SERGEF: variants seen among roughly 807,000 people sequenced by gnomAD.
SERGEF encodes the protein secretion-regulating guanine nucleotide exchange factor.
In SERGEF, 51 loss-of-function variants were observed where a neutral mutation model predicts 50.0. The ratio of observed to expected loss-of-function variants is 1.02; its 90% CI spans 0.81 to 1.29. The LOEUF (loss-of-function observed/expected upper bound fraction) is 1.29, where lower values mean the gene tolerates loss of function less well. Among genes scored for constraint, SERGEF ranks in the 50% most tolerant of loss-of-function variants. SERGEF has a pLI of 0.00. For missense variants in SERGEF, 521 were observed against 557.0 expected (o/e 0.94, Z 0.65); for synonymous variants, 205 against 212.4 (o/e 0.97, Z 0.30).
At chr11:17,832,479 T>A (rs1247903091) in intron 10 of SERGEF, among the ~76,000 whole-genome samples, 1 of 152,172 alleles carries the variant, frequency 6.6e-6, no homozygotes, top group Non-Finnish European at 1.5e-5. Flanking sequence ...AGTGTGAAAA[T>A]GGACTAATAC....
intron 9 of SERGEF, among the ~76,000 whole-genome samples, chr11:17,954,834 G>A (rs1425803518): frequency 6.6e-6 from 1 of 152,174 alleles, no homozygotes; most frequent in African/African-American, 2.4e-5. Flanking sequence ...AGAAACACTG[G>A]GAGTCAAGCT....
At chr11:17,788,477 C>A in intron 10 of SERGEF, 64 bp from the exon 11 acceptor site, 1 of 1,391,912 alleles carries the variant, frequency 7.2e-7, no homozygotes, top group East Asian at 2.4e-5. Flanking sequence ...AACATTCACC[C>A]TGAGGGTACA....
intron 10 of SERGEF, among the ~76,000 whole-genome samples, chr11:17,848,614 T>C (rs1850657325): frequency 6.6e-6 from 1 of 152,220 alleles, no homozygotes; most frequent in Non-Finnish European, 1.5e-5. Flanking sequence ...AATTCTTACT[T>C]AATAAACACT....
chr11:17,805,204 T>C (rs1315406886), intron 10 of SERGEF, among the ~76,000 whole-genome samples: 2 of 152,186 alleles, frequency 1.3e-5, no homozygotes, highest in Admixed American at 1.3e-4. Context: ...GGGCTCTAAG[T>C]CTCAGCTCTG....
Position 17,995,781 on chromosome 11 carries a change from A to G in SERGEF, c.622+15T>C, listed in dbSNP as rs541728015. ...ACAAAGAACAAATATAGGACTAAAG[A>G]AAGAAGCATCTTACCTGTCACTCTG... On this transcript the variant is annotated intron_variant, in intron 6 of 10. Transcript: ENST00000265965. The G allele has an allele frequency of 6.5e-7, 1 of 1,536,798 alleles. No homozygotes were observed. The highest frequency in any genetic ancestry group is 2.2e-5 in the East Asian group (1 of 44,464).
intron 8 of SERGEF, among the ~76,000 whole-genome samples, chr11:17,978,648 G>C (rs1033825410): frequency 9.8e-5 from 15 of 152,298 alleles, no homozygotes; most frequent in African/African-American, 3.6e-4. Context: ...GCCAGCTAGA[G>C]GTCAGATCCA....
chr11:17,796,927 G>A (rs1849580948), intron 10 of SERGEF, among the ~76,000 whole-genome samples: 1 of 152,228 alleles, frequency 6.6e-6, no homozygotes, highest in Non-Finnish European at 1.5e-5. Flanking sequence ...AAGATCCACA[G>A]CAGCCCTGAG....
chr11:17,827,221 G>A (rs1174264330), intron 10 of SERGEF, among the ~76,000 whole-genome samples: 1 of 152,162 alleles, frequency 6.6e-6, no homozygotes, highest in African/African-American at 2.4e-5. Flanking sequence ...ATTATGATAA[G>A]AGGAAACTGG....
chr11:17,791,998 T>G (rs1451108014), intron 10 of SERGEF, among the ~76,000 whole-genome samples: 4 of 152,238 alleles, frequency 2.6e-5, no homozygotes, highest in South Asian at 2.1e-4. Flanking sequence ...AAGTGTATGG[T>G]TCTACGCAGT....
chr11:17,849,133 C>T (rs1238881768), intron 10 of SERGEF, among the ~76,000 whole-genome samples: 1 of 152,154 alleles, frequency 6.6e-6, no homozygotes, highest in Non-Finnish European at 1.5e-5. Flanking sequence ...TGTTTACATG[C>T]ACATGTGAAG....
intron 10 of SERGEF, among the ~76,000 whole-genome samples, chr11:17,869,140 G>C (rs1851087790): frequency 6.6e-6 from 1 of 152,052 alleles, no homozygotes; most frequent in Non-Finnish European, 1.5e-5. Context: ...AAAATATAAA[G>C]AAAGACCATT....
At chr11:17,794,410 C>G (rs1459508226) in intron 10 of SERGEF, among the ~76,000 whole-genome samples, 1 of 152,162 alleles carries the variant, frequency 6.6e-6, no homozygotes, top group African/African-American at 2.4e-5. Context: ...TTAATTTCCA[C>G]GGCAACCCTC....
At chr11:17,825,166 T>G (rs1224290177) in intron 10 of SERGEF, among the ~76,000 whole-genome samples, 1 of 152,198 alleles carries the variant, frequency 6.6e-6, no homozygotes, top group Non-Finnish European at 1.5e-5. Context: ...AGATACTGAG[T>G]TATGTGCTGG....
rs542994996 is a variant in SERGEF, at chr11:17,997,896, T to C, written c.509-1987A>G. On this transcript the variant is annotated intron_variant, in intron 5 of 10. Transcript: ENST00000265965. ...CAGTGGAATGGGGAATGGGGAGTTA[T>C]TGTTTAATGGGTATAGAGTTTCAAT... Among the ~76,000 whole-genome samples, 3 of 152,272 alleles carry C rather than the reference T, an allele frequency of 2.0e-5. No homozygotes were observed. The East Asian group carries it at 5.8e-4, about 29-fold the overall frequency.
rs1049063379 is a variant in SERGEF at position 18,012,867 on chromosome 11, C to G, written c.60+84G>C. On this transcript the variant is annotated intron_variant, in intron 1 of 10. Transcript: ENST00000265965. ...GGCTCGGACCTCAGCCGCCCAGCCC[C>G]TGAACTGCCCACGCCGCGGCCAGCA... 2.6e-6 allele frequency: 4 copies of G among 1,527,030 alleles called. No homozygotes were observed. In the Admixed American group the frequency reaches 7.9e-5, roughly 30 times the overall value. The allele number at this position is 1,527,030 out of a possible 1,614,324, so 94.6% of individuals were successfully genotyped here.
chr11:17,825,801 T>C (rs1032436724), intron 10 of SERGEF, among the ~76,000 whole-genome samples: 1 of 152,188 alleles, frequency 6.6e-6, no homozygotes, highest in African/African-American at 2.4e-5. Context: ...AACAGCAAGA[T>C]GGTATGACCC....
intron 9 of SERGEF, among the ~76,000 whole-genome samples, chr11:17,911,325 T>C (rs1360488483): frequency 1.4e-5 from 2 of 146,352 alleles, no homozygotes; most frequent in Admixed American, 1.4e-4. Flanking sequence ...ATTTTATATA[T>C]ATTATATATA....
At chr11:17,822,105 T>A (rs531698522) in intron 10 of SERGEF, among the ~76,000 whole-genome samples, 1 of 152,298 alleles carries the variant, frequency 6.6e-6, no homozygotes, top group African/African-American at 2.4e-5. Flanking sequence ...TATTGTTTAA[T>A]TAAACAGAGA....
chr11:17,863,169 G>A (rs1419513209), intron 10 of SERGEF, among the ~76,000 whole-genome samples: 2 of 152,186 alleles, frequency 1.3e-5, no homozygotes, highest in Admixed American at 6.5e-5. Flanking sequence ...CCTGCATGGT[G>A]ATAACTAAGT....
Sources: gnomAD v4.1 joint callset for allele counts (sites outside exome capture counted in the v4.1 genomes callset) on GRCh38, gnomAD v4.1.1 for gene constraint, MANE v1.5 for transcripts, NCBI Gene and HGNC (gene_info 2026-07-23, HGNC 2026-07-21) for gene names.